CNTNAP2: variants seen among roughly 807,000 people sequenced by gnomAD.
CNTNAP2 encodes the protein contactin associated protein 2.
A neutral mutation model predicts 155.2 loss-of-function variants in CNTNAP2; 98 were observed. The ratio of observed to expected loss-of-function variants is 0.63; its 90% CI spans 0.54 to 0.75. The LOEUF is 0.75. Ranked by LOEUF, CNTNAP2 falls within the 30% of genes least tolerant of loss-of-function variation. The pLI is 0.00. For synonymous variants in CNTNAP2, 651 were observed against 631.2 expected (o/e 1.03, Z -0.47); for missense variants, 1,727 against 1,688.1 (o/e 1.02, Z -0.40).
intron 15 of CNTNAP2, among the ~76,000 whole-genome samples, chr7:147,990,585 C>G (rs1005890475): frequency 3.3e-5 from 5 of 151,882 alleles, no homozygotes; most frequent in Non-Finnish European, 7.4e-5. Context: ...AGGGGTTTAT[C>G]TTGGGGTTGG....
chr7:146,133,344 T>G (rs1055074166), intron 1 of CNTNAP2, among the ~76,000 whole-genome samples: 1 of 152,092 alleles, frequency 6.6e-6, no homozygotes, highest in Non-Finnish European at 1.5e-5. Flanking sequence ...TTGTGAAAAT[T>G]TTCTCCCATT....
intron 15 of CNTNAP2, among the ~76,000 whole-genome samples, chr7:148,068,025 C>T (rs1161039384): frequency 1.3e-5 from 2 of 152,148 alleles, no homozygotes; most frequent in Non-Finnish European, 2.9e-5. Flanking sequence ...GAGTTTATAT[C>T]CAGGTGCCGG....
At chr7:146,858,619 A>T (rs905320462) in intron 3 of CNTNAP2, among the ~76,000 whole-genome samples, 1 of 152,140 alleles carries the variant, frequency 6.6e-6, no homozygotes, top group Non-Finnish European at 1.5e-5. Context: ...ACCTGAGTCC[A>T]GGAGGTCGAG....
intron 13 of CNTNAP2, among the ~76,000 whole-genome samples, chr7:147,708,393 T>C (rs1796350353): frequency 6.6e-6 from 1 of 152,106 alleles, no homozygotes; most frequent in Non-Finnish European, 1.5e-5. Context: ...AGGTGAGGAA[T>C]GTCAATAGGA....
intron 14 of CNTNAP2, among the ~76,000 whole-genome samples, chr7:147,904,900 TACACAC>T (rs58242194): frequency 1.0e-4 from 15 of 149,190 alleles, no homozygotes; most frequent in Non-Finnish European, 1.6e-4. Flanking sequence ...AAGATGTATC[TACACAC>T]ACACACACAC....
intron 8 of CNTNAP2, among the ~76,000 whole-genome samples, chr7:147,172,628 T>C (rs576233101): frequency 1.4e-4 from 22 of 152,246 alleles, no homozygotes; most frequent in Non-Finnish European, 2.1e-4. Flanking sequence ...TAATTATGTA[T>C]AATTAGGCAC....
At chr7:146,301,348 G>A (rs1800606737) in intron 1 of CNTNAP2, among the ~76,000 whole-genome samples, 1 of 151,968 alleles carries the variant, frequency 6.6e-6, no homozygotes, top group Non-Finnish European at 1.5e-5. Context: ...ATGGTGACCG[G>A]GCACAGTGAC....
intron 12 of CNTNAP2, among the ~76,000 whole-genome samples, chr7:147,608,159 G>A (rs1035298714): frequency 6.6e-6 from 1 of 150,926 alleles, no homozygotes; most frequent in African/African-American, 2.4e-5. Context: ...CCTATAAGGA[G>A]ACAGTGTGTA....
chr7:146,803,437 T>G (rs1802915373), intron 2 of CNTNAP2, among the ~76,000 whole-genome samples: 1 of 152,190 alleles, frequency 6.6e-6, no homozygotes, highest in Non-Finnish European at 1.5e-5. Context: ...AATCCCCTAG[T>G]GCACATAATC....
At position 148,119,367 on chromosome 7, in the gene CNTNAP2, C is replaced by CAAA. The variant is rs10670510; in HGVS notation, c.2554+1090_2554+1092dup. On this transcript the variant is annotated intron_variant, in intron 16 of 23. Transcript: ENST00000361727. ...TGAAACCCCATCTCTACTAAAAATA[C>CAAA]AAAAAAAAAAAAATTAGCCAGGTGT... Among the ~76,000 whole-genome samples the CAAA allele has an allele frequency of 8.8e-4, 128 of 146,230 alleles. 1 individual carries two copies. The highest frequency in any genetic ancestry group is 2.6e-3 in the African/African-American group (103 of 39,778).
intron 1 of CNTNAP2, among the ~76,000 whole-genome samples, chr7:146,563,629 T>C (rs1175359911): frequency 6.6e-6 from 1 of 152,152 alleles, no homozygotes; most frequent in Non-Finnish European, 1.5e-5. Context: ...GAGACCTGTT[T>C]GGTTCACAGA....
rs763651610 is a variant in CNTNAP2, at chr7:146,499,455, A to G, written c.98-274816A>G. The stretch of plus-strand genomic sequence containing the variant: ...AAGCCAGCACCACACTGTCTTTATT[A>G]TTGTAATTTGGTAGTAAGTTTTAAA... On this transcript the variant is annotated intron_variant, in intron 1 of 23. Coordinates refer to ENST00000361727, the MANE Select transcript of CNTNAP2 (RefSeq NM_014141.6). 4.6e-5 allele frequency among the ~76,000 whole-genome samples: 7 copies of G among 152,164 alleles called. No individual in the cohort carries two copies. In the East Asian group the frequency reaches 1.2e-3, roughly 25 times the overall value.
At chr7:146,376,812 A>G (rs531289476) in intron 1 of CNTNAP2, among the ~76,000 whole-genome samples, 3 of 152,234 alleles carry the variant, frequency 2.0e-5, no homozygotes, top group East Asian at 1.9e-4. Context: ...GAATAGTATT[A>G]AAATCCTAAT....
chr7:147,195,663 T>A (rs1802783342), intron 8 of CNTNAP2, among the ~76,000 whole-genome samples: 1 of 152,144 alleles, frequency 6.6e-6, no homozygotes. Flanking sequence ...CCTAGGTATT[T>A]TATTCTCTTT....
intron 10 of CNTNAP2, among the ~76,000 whole-genome samples, chr7:147,435,441 A>G (rs985280546): frequency 6.6e-6 from 1 of 152,186 alleles, no homozygotes; most frequent in Non-Finnish European, 1.5e-5. Flanking sequence ...GATACTGACC[A>G]CACTTGGAGA....
intron 16 of CNTNAP2, among the ~76,000 whole-genome samples, chr7:148,142,093 C>CTGTGTGTGTGTGTGTGTGTG (rs71527881): frequency 6.6e-5 from 9 of 136,412 alleles, no homozygotes; most frequent in East Asian, 2.2e-4. Flanking sequence ...AGATATGTCT[C>CTGTGTGTGTGTGTGTGTGTG]TGTGTGTGTG....
At chr7:147,128,393 G>A (rs1801281899) in intron 6 of CNTNAP2, among the ~76,000 whole-genome samples, 4 of 152,100 alleles carry the variant, frequency 2.6e-5, no homozygotes, top group African/African-American at 9.7e-5. Flanking sequence ...GAAGTTTGCT[G>A]AATAAAAATC....
intron 1 of CNTNAP2, among the ~76,000 whole-genome samples, chr7:146,394,457 A>G (rs1795590521): frequency 6.6e-6 from 1 of 151,874 alleles, no homozygotes; most frequent in South Asian, 2.1e-4. Flanking sequence ...CATTTTATAA[A>G]TATAGAGTCT....
At chr7:147,517,765 T>G (rs1340468777) in intron 11 of CNTNAP2, among the ~76,000 whole-genome samples, 4 of 152,212 alleles carry the variant, frequency 2.6e-5, no homozygotes, top group Non-Finnish European at 4.4e-5. Flanking sequence ...TTTCAAGTCC[T>G]TAAAAGGGAC....
Sources: gnomAD v4.1 joint callset for allele counts (sites outside exome capture counted in the v4.1 genomes callset) on GRCh38, gnomAD v4.1.1 for gene constraint, MANE v1.5 for transcripts, NCBI Gene and HGNC (gene_info 2026-07-23, HGNC 2026-07-21) for gene names.